The following LRP10 variants were observed in gnomAD, a reference collection of about 807,000 sequenced individuals.
LRP10 encodes the protein low-density lipoprotein receptor-related protein 10.
In LRP10, 42 loss-of-function variants were observed where a neutral mutation model predicts 58.5. The ratio of observed to expected loss-of-function variants is 0.72; its 90% CI spans 0.56 to 0.93. The LOEUF (loss-of-function observed/expected upper bound fraction) is 0.93, where lower values mean the gene tolerates loss of function less well. Ranked by LOEUF, LRP10 falls within the 40% of genes least tolerant of loss-of-function variation. The probability of loss-of-function intolerance (pLI) is 0.00; values close to 1 mark genes in which losing one functional copy is unlikely to be tolerated. For synonymous variants in LRP10, 377 were observed against 388.5 expected (o/e 0.97, Z 0.35); for missense variants, 872 against 940.1 (o/e 0.93, Z 0.95).
At chr14:22,876,871 C>T in intron 6 of LRP10, 53 bp downstream of exon 6, 1 of 1,602,394 alleles carries the variant, frequency 6.2e-7, no homozygotes, top group Non-Finnish European at 8.5e-7. Flanking sequence ...CTGCTGTGGC[C>T]CCGCCCCTGT....
rs779871498 is a variant in LRP10 at position 22,877,431 on chromosome 14, C to T, written c.2046C>T (p.Val682=). The change falls in exon 7 of 7, where the codon GTC becomes GTT. Residue 682 remains valine (V), a synonymous_variant. Coordinates refer to ENST00000359591, the MANE Select transcript of LRP10 (RefSeq NM_014045.5). The surrounding 1 kb of genome is among the most constrained non-coding windows in gnomAD (Gnocchi z 5.1). ...TRSPPGPHTA[V]LALEDEDDVL... ...GCCCCCCTGGACCCCACACAGCAGT[C>T]CTGGCCCTGGAAGATGAGGACGATG... 1.9e-6 allele frequency: 3 copies of T among 1,613,680 alleles called. No individual in the cohort carries two copies. The highest frequency in any genetic ancestry group is 1.1e-5 in the South Asian group (1 of 91,086).
intron 2 of LRP10, 168 bp downstream of exon 2, chr14:22,872,950 G>A (rs988220619): frequency 1.5e-6 from 1 of 670,258 alleles, no homozygotes; most frequent in Non-Finnish European, 2.6e-6. Context: ...ACCTTCATCT[G>A]GTAGTTGCTA....
intron 2 of LRP10, 70 bp from the exon 3 acceptor site, chr14:22,873,241 C>T: frequency 6.5e-7 from 1 of 1,548,192 alleles, no homozygotes; most frequent in Non-Finnish European, 8.8e-7. Context: ...CCTCAAGCCT[C>T]CAAGCGGAAG....
Position 22,876,270 on chromosome 14 carries a change from T to G in LRP10, c.1322T>G (p.Val441Gly), listed in dbSNP as rs1566493665. The change falls in exon 5 of 7, where the codon GTC (valine) becomes GGC (glycine). Residue 441 changes from valine (V) to glycine (G), a missense_variant. Val to Gly is a moderately radical substitution (Grantham distance 109). Coordinates refer to ENST00000359591, the MANE Select transcript of LRP10 (RefSeq NM_014045.5). ...TGCTCCTATGTTCTGCCCCGCAAGG[T>G]CATTACAGCTGCAGTCATTGGCAGC... ...WDCSYVLPRK[V>G]ITAAVIGSLV... 1.2e-6 allele frequency: 2 copies of G among 1,614,108 alleles called. No individual in the cohort carries two copies. The highest frequency in any genetic ancestry group is 1.7e-6 in the Non-Finnish European group (2 of 1,180,028).
rs1458803654 is a variant in LRP10, at chr14:22,880,364, G to A, written c.*2837G>A. On this transcript the variant is annotated 3_prime_UTR_variant, in exon 7 of 7. Transcript: ENST00000359591. ...CACTCTAGCCTGGGTGACAGAGCGA[G>A]ACTCCTTCTCCAAAAAAAAAGAAAA... The A allele has an allele frequency of 2.0e-5, 3 of 151,806 alleles. No individual in the cohort carries two copies. The highest frequency in any genetic ancestry group is 2.9e-5 in the Non-Finnish European group (2 of 68,008). 9.4% of individuals were successfully genotyped at this position (151,806 alleles called of 1,614,324 possible).
chr14:22,881,582 T>C lies in LRP10; in HGVS notation c.*4055T>C, dbSNP rs979834458. 3 of 152,188 alleles carry C rather than the reference T, an allele frequency of 2.0e-5. No homozygotes were observed. The highest frequency in any genetic ancestry group is 4.8e-5 in the African/African-American group (2 of 41,434). 9.4% of individuals were successfully genotyped at this position (152,188 alleles called of 1,614,324 possible). A position where few individuals can be genotyped will look rare whatever the true frequency, so the allele number is the denominator to read the frequency against. On this transcript the variant is annotated 3_prime_UTR_variant, in exon 7 of 7. Coordinates refer to ENST00000359591, the MANE Select transcript of LRP10 (RefSeq NM_014045.5). ...TGCATATGAGTGCTTTAAATGTTAT[T>C]TTGTGTGTGTGTGGTGTTGCCTCCC...
rs2040061265 is a variant in LRP10 at position 22,881,462 on chromosome 14, T to C, written c.*3935T>C. 1 of 152,244 alleles carries C rather than the reference T, an allele frequency of 6.6e-6. No homozygotes were observed. The highest frequency in any genetic ancestry group is 2.4e-5 in the African/African-American group (1 of 41,472). 9.4% of individuals were successfully genotyped at this position (152,244 alleles called of 1,614,324 possible). A position where few individuals can be genotyped will look rare whatever the true frequency, so the allele number is the denominator to read the frequency against. On this transcript the variant is annotated 3_prime_UTR_variant, in exon 7 of 7. Coordinates refer to ENST00000359591, the MANE Select transcript of LRP10 (RefSeq NM_014045.5). Reference sequence around the variant, plus strand: ...ACTGAGGATCATTCACAGAAACCAATGGCTTTTCTCCAGCAGTGTCTTCTG... The same window carrying C: ...ACTGAGGATCATTCACAGAAACCAACGGCTTTTCTCCAGCAGTGTCTTCTG...
intron 2 of LRP10, 160 bp from the exon 3 acceptor site, chr14:22,873,151 C>G: frequency 1.2e-6 from 1 of 807,834 alleles, no homozygotes; most frequent in Non-Finnish European, 2.0e-6. Flanking sequence ...AAGAGCGAAG[C>G]TAGAAGGCTG....
chr14:22,876,368 TACA>T lies in LRP10; in HGVS notation c.1421_1423del (p.Tyr474_Ser475delinsCys). 1 of 1,612,970 alleles carries T rather than the reference TACA, an allele frequency of 6.2e-7. No individual in the cohort carries two copies. Among genetic ancestry groups the T allele is most frequent in the Non-Finnish European group, 8.5e-7 (1 of 1,179,386 alleles). On this transcript the variant is annotated inframe_deletion and splice_region_variant, in exon 5 of 7. Transcript: ENST00000359591. ...GCTCTATGCCATTCGCACCCAGGAG[TACA>T]GGTCAGTGGGAGTGGGGCTGGCAGT...
Position 22,880,744 on chromosome 14 carries a change from A to G in LRP10, c.*3217A>G, listed in dbSNP as rs35956093. The G allele has an allele frequency of 0.26, 39,566 of 151,520 alleles. 5,406 individuals are homozygous for G. Among genetic ancestry groups the G allele is most frequent in the Non-Finnish European group, 0.31 (21,015 of 67,894 alleles). 9.4% of individuals were successfully genotyped at this position (151,520 alleles called of 1,614,324 possible). A position where few individuals can be genotyped will look rare whatever the true frequency, so the allele number is the denominator to read the frequency against. ...GCCTGGATGGGGCGCAGTGGCTCAC[A>G]CCTGTAATCCCAGCACTTTGGGAGG... On this transcript the variant is annotated 3_prime_UTR_variant, in exon 7 of 7. Coordinates refer to ENST00000359591, the MANE Select transcript of LRP10 (RefSeq NM_014045.5).
chr14:22,873,205 C>A, intron 2 of LRP10, 106 bp from the exon 3 acceptor site: 1 of 1,408,994 alleles, frequency 7.1e-7, no homozygotes, highest in Non-Finnish European at 9.7e-7. Context: ...CTCTGCTCCT[C>A]CTTGCAGAGC....
Position 22,876,168 on chromosome 14 carries a change from G to T in LRP10, c.1220G>T (p.Arg407Leu), listed in dbSNP as rs752726588. The T allele has an allele frequency of 9.3e-6, 15 of 1,614,226 alleles. No individual in the cohort carries two copies. The highest frequency in any genetic ancestry group is 1.1e-5 in the Non-Finnish European group (13 of 1,180,050). Residue 407 changes from arginine to leucine, a missense_variant, in exon 5 of 7, where the codon CGG (arginine) becomes CTG (leucine). Coordinates refer to ENST00000359591, the MANE Select transcript of LRP10 (RefSeq NM_014045.5). ...TGCCAGCCTGGCAATTTCCGATGCC[G>T]GGACGAGAAGTGCGTGTATGAGACG... ...RHCQPGNFRC[R>L]DEKCVYETWV... is the part of the protein sequence containing the mutation.
chr14:22,876,652 G>T, intron 5 of LRP10, 37 bp from the exon 6 acceptor site: 1 of 1,605,320 alleles, frequency 6.2e-7, no homozygotes, highest in East Asian at 2.2e-5. Context: ...CTCTGGCCGA[G>T]AACTACCAGT....
chr14:22,881,315 GC>G lies in LRP10; in HGVS notation c.*3791del, dbSNP rs2138795046. ...GCCATGATCGCACCACTGCAGTCCA[GC>G]CCGAGCAATAGGGTGAGACCCTCCC... On this transcript the variant is annotated 3_prime_UTR_variant, in exon 7 of 7. Transcript: ENST00000359591. The G allele has an allele frequency of 6.6e-6, 1 of 152,310 alleles. No individual in the cohort carries two copies. The highest frequency in any genetic ancestry group is 2.1e-4 in the South Asian group (1 of 4,828). The allele number at this position is 152,310 out of a possible 1,614,324, so 9.4% of individuals were successfully genotyped here. A position where few individuals can be genotyped will look rare whatever the true frequency, so the allele number is the denominator to read the frequency against.
rs568610827 is a variant in LRP10 at position 22,878,837 on chromosome 14, G to C, written c.*1310G>C. Reference sequence around the variant, plus strand: ...CTGCAGCGCTGGGGTGGGTGATGGAGGGAATGATTCGCAAGCAGTGTTGGA... The same window carrying C: ...CTGCAGCGCTGGGGTGGGTGATGGACGGAATGATTCGCAAGCAGTGTTGGA... On this transcript the variant is annotated 3_prime_UTR_variant, in exon 7 of 7. Transcript: ENST00000359591. The C allele has an allele frequency of 1.7e-3, 381 of 230,048 alleles. 1 individual carries two copies. Among genetic ancestry groups the C allele is most frequent in the Non-Finnish European group, 2.7e-3 (286 of 107,892 alleles). The allele number at this position is 230,048 out of a possible 1,614,324, so 14.3% of individuals were successfully genotyped here. A position where few individuals can be genotyped will look rare whatever the true frequency, so the allele number is the denominator to read the frequency against.
chr14:22,877,381 C>A lies in LRP10; in HGVS notation c.1996C>A (p.Leu666Met), dbSNP rs776024716. 1 of 1,613,774 alleles carries A rather than the reference C, an allele frequency of 6.2e-7. No individual in the cohort carries two copies. Among genetic ancestry groups the A allele is most frequent in the South Asian group, 1.1e-5 (1 of 91,060 alleles). Reference sequence around the variant, plus strand: ...CCTGCGAGGCCGCCTGTTGCCCAGCCTGGGGCCCCCAGGACCAACCCGGAG... The same window carrying A: ...CCTGCGAGGCCGCCTGTTGCCCAGCATGGGGCCCCCAGGACCAACCCGGAG... The part of the protein sequence containing the change: ...QALRGRLLPS[L>M]GPPGPTRSPP... Residue 666 changes from leucine to methionine, a missense_variant, in exon 7 of 7, where the codon CTG becomes ATG. Transcript: ENST00000359591. The surrounding 1 kb of genome is among the most constrained non-coding windows in gnomAD (Gnocchi z 5.1).
In LRP10 at chr14:22,872,268, C is replaced by T. The variant is rs1378040818; in HGVS notation, c.-36C>T. 2.5e-6 allele frequency: 4 copies of T among 1,613,054 alleles called. No homozygotes were observed. The highest frequency in any genetic ancestry group is 3.4e-6 in the Non-Finnish European group (4 of 1,179,086). On this transcript the variant is annotated 5_prime_UTR_variant, in exon 1 of 7. Transcript: ENST00000359591. Reference sequence around the variant, plus strand: ...GACCCCATCGGGTAGACCACAGAAGCTCCGGGACCCTTCCGGCACCTCTGG... The same window carrying T: ...GACCCCATCGGGTAGACCACAGAAGTTCCGGGACCCTTCCGGCACCTCTGG...
chr14:22,877,526 G>T lies in LRP10; in HGVS notation c.2141G>T (p.Ter714LeuextTer17). 1 of 1,591,784 alleles carries T rather than the reference G, an allele frequency of 6.3e-7. No individual in the cohort carries two copies. The highest frequency in any genetic ancestry group is 8.6e-7 in the Non-Finnish European group (1 of 1,168,660). The change falls in exon 7 of 7, where the codon TGA (stop) becomes TTA (leucine). Residue 714 changes from the stop codon to leucine, a stop_lost. Transcript: ENST00000359591. The surrounding 1 kb of genome is among the most constrained non-coding windows in gnomAD (Gnocchi z 5.1). ...GCAGAGGATGAGCCACTGCTTACCT[G>T]AGGGGACCTGGGGGCTCTACTGAGG... ...AEAEDEPLLT[*>L]
Position 22,872,123 on chromosome 14 carries a change from C to T in LRP10, c.-181C>T. 1.6e-6 allele frequency: 1 copy of T among 640,170 alleles called. No homozygotes were observed. The highest frequency in any genetic ancestry group is 1.8e-5 in the South Asian group (1 of 56,636). The allele number at this position is 640,170 out of a possible 1,614,324, so 39.7% of individuals were successfully genotyped here. A position where few individuals can be genotyped will look rare whatever the true frequency, so the allele number is the denominator to read the frequency against. On this transcript the variant is annotated 5_prime_UTR_variant, in exon 1 of 7. Transcript: ENST00000359591. ...TTGGCGAAAGGCACCGCCCCTACTC[C>T]CGGGCTGCCGCCGCCTCCCCGCCCC...
Sources: allele counts gnomAD v4.1 joint callset, GRCh38; gene constraint gnomAD v4.1.1; non-coding constraint Gnocchi (gnomAD v3.1); transcripts MANE v1.5; gene names NCBI Gene and HGNC (gene_info 2026-07-23, HGNC 2026-07-21).